STAMBP: variants seen among roughly 807,000 people sequenced by gnomAD.
STAMBP encodes STAM-binding protein.
Under a neutral mutation model 50.7 loss-of-function variants are expected in STAMBP, and 31 were observed. The observed-to-expected ratio is 0.61, with a 90% confidence interval of 0.46 to 0.83. The LOEUF (loss-of-function observed/expected upper bound fraction) is 0.83, where lower values mean the gene tolerates loss of function less well. STAMBP is among the 40% of genes least tolerant of loss of function. The pLI is 0.00. For synonymous variants in STAMBP, 211 were observed against 192.4 expected, an observed-to-expected ratio of 1.10 and a Z score of -0.80; for missense variants, 472 against 518.9, an observed-to-expected ratio of 0.91 and a Z score of 0.88.
chr2:73,864,349 A>C lies in STAMBP; in HGVS notation c.*2090A>C, dbSNP rs772010090. 6.6e-6 allele frequency: 1 copy of C among 152,220 alleles called. No homozygotes were observed. The highest frequency in any genetic ancestry group is 6.5e-5 in the Admixed American group (1 of 15,280). 9.4% of individuals were successfully genotyped at this position (152,220 alleles called of 1,614,324 possible). On this transcript the variant is annotated 3_prime_UTR_variant, in exon 10 of 10. Coordinates refer to ENST00000394070, the MANE Select transcript of STAMBP (RefSeq NM_213622.4). ...TTTCTTTTCTCTTCCTCTAGGCACA[A>C]GATATCTTAGTGGCTAGATGGGTGC...
chr2:73,844,222 CAA>C (rs972410175), intron 2 of STAMBP, among the ~76,000 whole-genome samples: 18 of 152,314 alleles, frequency 1.2e-4, no homozygotes, highest in African/African-American at 4.3e-4. Flanking sequence ...CACTTTTCAT[CAA>C]AGACAGTGCA....
intron 7 of STAMBP, among the ~76,000 whole-genome samples, chr2:73,858,913 G>T (rs1285009041): frequency 1.3e-5 from 2 of 149,994 alleles, no homozygotes; most frequent in African/African-American, 5.1e-5. Flanking sequence ...GGGGATATGA[G>T]CCCAGACCCC....
chr2:73,842,887 G>T (rs541318395), intron 2 of STAMBP, among the ~76,000 whole-genome samples: 1 of 152,148 alleles, frequency 6.6e-6, no homozygotes, highest in Non-Finnish European at 1.5e-5. Flanking sequence ...CAGGAAGCTC[G>T]CAGTGTAGTT....
rs1673824945 is a variant in STAMBP at position 73,830,893 on chromosome 2, G to A, written c.37G>A (p.Asp13Asn). 1.2e-6 allele frequency: 2 copies of A among 1,613,806 alleles called. No homozygotes were observed. The highest frequency in any genetic ancestry group is 2.2e-5 in the South Asian group (2 of 91,066). The change falls in exon 2 of 10, where the codon GAC (aspartate) becomes AAC (asparagine). Residue 13 changes from aspartate to asparagine, a missense_variant. Physicochemically the swap from Asp to Asn is conservative, Grantham distance 23. Coordinates refer to ENST00000394070, the MANE Select transcript of STAMBP (RefSeq NM_213622.4). ...DHGDVSLPPE[D>N]RVRALSQLGS... ...TGGAGATGTGAGCCTCCCGCCCGAA[G>A]ACCGGGTGAGGGCTCTCTCCCAGCT...
chr2:73,845,312 G>T, intron 4 of STAMBP, 50 bp downstream of exon 4: 1 of 1,268,282 alleles, frequency 7.9e-7, no homozygotes, highest in South Asian at 1.2e-5. Flanking sequence ...TTTAGGCTGT[G>T]CCCTGGGATT....
At chr2:73,846,411 G>A (rs1483222219) in intron 4 of STAMBP, among the ~76,000 whole-genome samples, 1 of 151,768 alleles carries the variant, frequency 6.6e-6, no homozygotes. Flanking sequence ...GACCAGCCTG[G>A]GCAACATGGT....
At position 73,849,378 on chromosome 2, in the gene STAMBP, G is replaced by C. The variant is rs1356900739; in HGVS notation, c.758G>C (p.Gly253Ala). ...TCCTTTACAGTTCCCACAATCGATG[G>C]ATTGCGCCATGTGGTGGTGCCTGGG... ...SNSESIPTID[G>A]LRHVVVPGRL... Residue 253 changes from glycine (G) to alanine (A), a missense_variant, in exon 6 of 10, where the codon GGA becomes GCA. By Grantham distance (60) the Gly-to-Ala change is moderately conservative (BLOSUM62 0). Coordinates refer to ENST00000394070, the MANE Select transcript of STAMBP (RefSeq NM_213622.4). The C allele has an allele frequency of 6.2e-7, 1 of 1,613,852 alleles. No individual in the cohort carries two copies. Among genetic ancestry groups the C allele is most frequent in the African/African-American group, 1.3e-5 (1 of 74,876 alleles).
At chr2:73,868,637 G>A (rs764458428), downstream of STAMBP, among the ~76,000 whole-genome samples, 11 of 151,968 alleles carry the variant, frequency 7.2e-5, no homozygotes, top group Non-Finnish European at 1.0e-4. Context: ...TGATCCCAGC[G>A]CTTTGGGAGG....
rs1405232683 is a variant in STAMBP at position 73,847,666 on chromosome 2, T to C, written c.655T>C (p.Ser219Pro). ...CTTAACAGTCTCATCCATACAGCCT[T>C]CAGACTGTCACACAACTGTAAGGCC... ...PTLTVSSIQP[S>P]DCHTTVRPAK... The change falls in exon 5 of 10, where the codon TCA becomes CCA. Residue 219 changes from serine (S) to proline (P), a missense_variant. Physicochemically the swap from Ser to Pro is moderately conservative, Grantham distance 74 (BLOSUM62 -1). Coordinates refer to ENST00000394070, the MANE Select transcript of STAMBP (RefSeq NM_213622.4). The C allele has an allele frequency of 3.7e-6, 6 of 1,614,078 alleles. No individual in the cohort carries two copies. The highest frequency in any genetic ancestry group is 5.1e-6 in the Non-Finnish European group (6 of 1,180,034).
chr2:73,859,452 C>T (rs1678017139), intron 8 of STAMBP, 86 bp downstream of exon 8: 1 of 1,063,716 alleles, frequency 9.4e-7, no homozygotes, highest in East Asian at 2.4e-5. Flanking sequence ...TTCTTGTGGA[C>T]TTGTCCTTTG....
intron 2 of STAMBP, among the ~76,000 whole-genome samples, chr2:73,839,747 A>T (rs1332015275): frequency 6.6e-6 from 1 of 152,250 alleles, no homozygotes; most frequent in Non-Finnish European, 1.5e-5. Flanking sequence ...TATTTCTGGC[A>T]TGGATGAGGT....
intron 2 of STAMBP, among the ~76,000 whole-genome samples, chr2:73,832,108 T>TATATATATATATATATATATATACACAC (rs1006072205): frequency 4.2e-4 from 51 of 122,832 alleles, no homozygotes; most frequent in African/African-American, 1.7e-3. Context: ...TATATATATA[T>TATATATATATATATATATATATACACAC]ACACATATAT....
At chr2:73,836,350 C>T (rs867856580) in intron 2 of STAMBP, among the ~76,000 whole-genome samples, 6 of 152,324 alleles carry the variant, frequency 3.9e-5, no homozygotes, top group South Asian at 2.1e-4. Flanking sequence ...GGCTCTCCTG[C>T]AGGCCAGCAG....
At chr2:73,870,350 G>A (rs909075240), downstream of STAMBP, 11 of 152,400 alleles carry the variant, frequency 7.2e-5, no homozygotes, top group Admixed American at 5.2e-4. Context: ...TGGACAAAAC[G>A]TGGTGAGTGG....
intron 2 of STAMBP, among the ~76,000 whole-genome samples, chr2:73,831,433 T>C (rs1402903342): frequency 2.6e-5 from 4 of 152,244 alleles, no homozygotes. Context: ...TCCTCACTTG[T>C]ACTTATTTTG....
intron 7 of STAMBP, among the ~76,000 whole-genome samples, chr2:73,858,159 ATTTT>A (rs35630978): frequency 1.5e-5 from 1 of 68,344 alleles, no homozygotes. Context: ...ATTGTTTTGT[ATTTT>A]TTTTTTTTTT....
At chr2:73,873,460 T>A (rs1208960520) in exon 11 of STAMBP, 3 of 152,186 alleles carry the variant, frequency 2.0e-5, no homozygotes, top group Admixed American at 6.5e-5. Flanking sequence ...ATAAGCAAAT[T>A]TAGGGAATTG....
chr2:73,867,751 A>G (rs1238460265), downstream of STAMBP, among the ~76,000 whole-genome samples: 1 of 152,212 alleles, frequency 6.6e-6, no homozygotes, highest in African/African-American at 2.4e-5. Flanking sequence ...GAATCAAAAG[A>G]TATGAATTAA....
chr2:73,844,637 T>C (rs2104453803), intron 2 of STAMBP, 176 bp from the exon 3 acceptor site: 1 of 465,436 alleles, frequency 2.1e-6, no homozygotes, highest in Middle Eastern at 3.3e-4. Flanking sequence ...ACTCTGGCTC[T>C]TTAGGGGGAT....
Sources: allele counts gnomAD v4.1 joint callset (sites outside exome capture counted in the v4.1 genomes callset), GRCh38; gene constraint gnomAD v4.1.1; transcripts MANE v1.5; gene names NCBI Gene and HGNC (gene_info 2026-07-23, HGNC 2026-07-21).